Variants in TRPM3 observed in about 807,000 individuals in gnomAD.
TRPM3 encodes transient receptor potential cation channel subfamily M member 3, also known as long transient receptor potential channel 3.
A neutral mutation model predicts 181.2 loss-of-function variants in TRPM3; 77 were observed. The observed-to-expected ratio is 0.42, with a 90% CI of 0.35 to 0.51. The LOEUF (loss-of-function observed/expected upper bound fraction) is 0.51, where lower values mean the gene tolerates loss of function less well. Among genes scored for constraint, TRPM3 ranks in the 20% least tolerant of loss-of-function variants. The pLI is 0.01. For missense variants in TRPM3, 1,759 were observed against 2,196.7 expected, an observed-to-expected ratio of 0.80 and a Z score of 3.98; for synonymous variants, 745 against 796.4, an observed-to-expected ratio of 0.94 and a Z score of 1.09.
At chr9:71,071,277 AG>A (rs1279335212) in intron 1 of TRPM3, among the ~76,000 whole-genome samples, 1 of 152,188 alleles carries the variant, frequency 6.6e-6, no homozygotes, top group Non-Finnish European at 1.5e-5. Context: ...ACCTCCTGCA[AG>A]CCCTGGACTG....
intron 1 of TRPM3, among the ~76,000 whole-genome samples, chr9:71,048,393 T>A (rs1353881306): frequency 6.6e-6 from 1 of 152,210 alleles, no homozygotes; most frequent in Non-Finnish European, 1.5e-5. Flanking sequence ...GCAGGTAGCC[T>A]TTCACTAAGC....
At chr9:71,406,802 G>A (rs907446800) in intron 1 of TRPM3, among the ~76,000 whole-genome samples, 2 of 152,096 alleles carry the variant, frequency 1.3e-5, no homozygotes, top group Non-Finnish European at 2.9e-5. Flanking sequence ...AGTATTGCTC[G>A]AGGGATCAAG....
chr9:70,680,780 A>G (rs2065218134), intron 9 of TRPM3, among the ~76,000 whole-genome samples: 1 of 152,216 alleles, frequency 6.6e-6, no homozygotes, highest in Non-Finnish European at 1.5e-5. Context: ...TTAACACTGC[A>G]AATTAGTAGT....
chr9:70,919,493 T>C (rs1291000479), intron 1 of TRPM3, among the ~76,000 whole-genome samples: 2 of 152,142 alleles, frequency 1.3e-5, no homozygotes, highest in African/African-American at 4.8e-5. Flanking sequence ...AGAATTAATC[T>C]TGCATCCTGG....
At chr9:71,254,275 C>T (rs914040212) in intron 1 of TRPM3, among the ~76,000 whole-genome samples, 9 of 152,136 alleles carry the variant, frequency 5.9e-5, no homozygotes, top group Admixed American at 5.9e-4. Flanking sequence ...ACCATATTAT[C>T]TCACTTATAT....
rs750858297 is a variant in TRPM3, at chr9:70,535,989, T to C, written c.5124A>G (p.Thr1708=). ...TGCTTTCAAAGCTTTGGAAAGCCGATGTTCTGGACAGTCTCCTCATGGACA... is the reference window on the plus strand; with the variant it reads ...TGCTTTCAAAGCTTTGGAAAGCCGACGTTCTGGACAGTCTCCTCATGGACA... ...DSLSMRRLSR[T]SAFQSFESKH... is the part of the protein sequence containing the mutation. The change falls in exon 26 of 26, where the codon ACA becomes ACG. Residue 1708 remains threonine, a synonymous_variant. Transcript: ENST00000677713. The C allele has an allele frequency of 2.5e-6, 4 of 1,608,832 alleles. No individual in the cohort carries two copies. The highest frequency in any genetic ancestry group is 2.5e-6 in the Non-Finnish European group (3 of 1,178,072).
chr9:70,774,214 C>A (rs748992690), intron 7 of TRPM3: 1 of 153,534 alleles, frequency 6.5e-6, no homozygotes. Context: ...TCCTCTGCCA[C>A]CCCTGAGATA....
chr9:70,977,296 G>T (rs916397034), intron 1 of TRPM3, among the ~76,000 whole-genome samples: 1 of 152,094 alleles, frequency 6.6e-6, no homozygotes, highest in African/African-American at 2.4e-5. Flanking sequence ...CACCATGCCC[G>T]GCTAATTTTT....
intron 1 of TRPM3, among the ~76,000 whole-genome samples, chr9:70,981,018 C>T (rs147712401): frequency 3.5e-4 from 54 of 152,252 alleles, no homozygotes; most frequent in Non-Finnish European, 5.7e-4. Context: ...CATACAAGAA[C>T]GTGTTTTCTT....
Position 70,839,109 on chromosome 9 carries a change from G to A in TRPM3, c.801+3894C>T, listed in dbSNP as rs147758632. Among the ~76,000 whole-genome samples, 4 of 152,260 alleles carry A rather than the reference G, an allele frequency of 2.6e-5. No homozygotes were observed. The East Asian group carries it at 7.7e-4, about 29-fold the overall frequency. ...GTCCCCACTGTAGTCACAATCATGT[G>A]ATGCAGCTTGGGGGTAGGATTAGAG... On this transcript the variant is annotated intron_variant, in intron 5 of 25. Transcript: ENST00000677713.
In TRPM3 at chr9:71,121,370, A is replaced by G; in HGVS notation, c.-16T>C. ...GCTCTGGCATCCCATGGTCATCTCC[A>G]CACCTGCAAATTCCATTAGGGCAGA... On this transcript the variant is annotated 5_prime_UTR_variant, in exon 1 of 26. Coordinates refer to ENST00000677713, the MANE Select transcript of TRPM3 (RefSeq NM_001366145.2). The G allele has an allele frequency of 1.4e-5, 23 of 1,611,966 alleles. No homozygotes were observed. The highest frequency in any genetic ancestry group is 1.9e-5 in the Non-Finnish European group (22 of 1,179,262).
upstream of TRPM3, chr9:71,121,664 G>A: frequency 8.9e-7 from 1 of 1,123,890 alleles, no homozygotes; most frequent in South Asian, 3.7e-5. Context: ...ACGCAGGTCA[G>A]GCGTTGGGGG....
chr9:71,154,047 A>G (rs1156313278), intron 1 of TRPM3, among the ~76,000 whole-genome samples: 3 of 152,090 alleles, frequency 2.0e-5, no homozygotes, highest in Non-Finnish European at 4.4e-5. Flanking sequence ...GTATAGCCCA[A>G]ACCTTAAATA....
intron 8 of TRPM3, among the ~76,000 whole-genome samples, chr9:70,686,581 C>T: frequency 3.9e-5 from 3 of 77,392 alleles, no homozygotes; most frequent in South Asian, 6.6e-4. Context: ...GAAACCCCTC[C>T]CTCCCTCCCT....
intron 1 of TRPM3, among the ~76,000 whole-genome samples, chr9:71,144,429 T>C (rs564080600): frequency 1.3e-5 from 2 of 152,340 alleles, no homozygotes; most frequent in African/African-American, 4.8e-5. Flanking sequence ...TTCTTAAATA[T>C]CAGTCAAGTC....
intron 1 of TRPM3, among the ~76,000 whole-genome samples, chr9:71,042,512 A>G (rs1347927766): frequency 6.6e-6 from 1 of 152,200 alleles, no homozygotes; most frequent in Non-Finnish European, 1.5e-5. Context: ...TAAATGTCCC[A>G]TAAGTGGCAG....
chr9:70,610,958 G>A (rs1044323395), intron 18 of TRPM3, among the ~76,000 whole-genome samples: 1 of 152,174 alleles, frequency 6.6e-6, no homozygotes, highest in Non-Finnish European at 1.5e-5. Context: ...GGCCTTGGGT[G>A]TATTTCTTGA....
chr9:70,985,216 C>T (rs983913935), intron 1 of TRPM3, among the ~76,000 whole-genome samples: 5 of 152,110 alleles, frequency 3.3e-5, no homozygotes, highest in African/African-American at 4.8e-5. Context: ...AGCCTGAGAC[C>T]CAGTGCCGAC....
chr9:70,638,796 T>C (rs1337591817), intron 11 of TRPM3, among the ~76,000 whole-genome samples: 1 of 152,190 alleles, frequency 6.6e-6, no homozygotes, highest in Non-Finnish European at 1.5e-5. Flanking sequence ...CAGAGCCTTG[T>C]GGCTTTGTAT....
Sources: allele counts gnomAD v4.1 joint callset (sites outside exome capture counted in the v4.1 genomes callset), GRCh38; gene constraint gnomAD v4.1.1; transcripts MANE v1.5; gene names NCBI Gene and HGNC (gene_info 2026-07-23, HGNC 2026-07-21).